The following NEIL3 variants were observed in gnomAD, a reference collection of about 807,000 sequenced individuals.
NEIL3 encodes the protein endonuclease 8-like 3.
In NEIL3, 48 loss-of-function variants were observed where a neutral mutation model predicts 57.5. The ratio of observed to expected loss-of-function variants is 0.83; its 90% CI spans 0.66 to 1.06. NEIL3 has a LOEUF of 1.06. NEIL3 is among the 50% of genes least tolerant of loss of function. The probability of loss-of-function intolerance (pLI) is 0.00; values close to 1 mark genes in which losing one functional copy is unlikely to be tolerated. For missense variants in NEIL3, 717 were observed against 739.1 expected (o/e 0.97, Z 0.35); for synonymous variants, 261 against 253.2 (o/e 1.03, Z -0.29).
chr4:177,339,600 T>C (rs1444076629), intron 4 of NEIL3, among the ~76,000 whole-genome samples, 183 bp from the exon 5 acceptor site: 1 of 152,186 alleles, frequency 6.6e-6, no homozygotes, highest in Admixed American at 6.5e-5. Context: ...GTCTCAGGGA[T>C]GGCAGAGGCA....
chr4:177,353,885 C>T, intron 8 of NEIL3, 157 bp downstream of exon 8: 1 of 641,110 alleles, frequency 1.6e-6, no homozygotes, highest in South Asian at 2.0e-5. Flanking sequence ...CCTGCCTCAG[C>T]CTCCCAAGTA....
At chr4:177,351,604 C>G in intron 7 of NEIL3, 55 bp downstream of exon 7, 1 of 1,357,988 alleles carries the variant, frequency 7.4e-7, no homozygotes, top group South Asian at 1.3e-5. Flanking sequence ...GTTAATTATA[C>G]AAAGTCAGGA....
chr4:177,352,699 G>A (rs1408446094), intron 7 of NEIL3, among the ~76,000 whole-genome samples: 5 of 151,986 alleles, frequency 3.3e-5, no homozygotes, highest in Admixed American at 2.0e-4. Flanking sequence ...GCGTGCTGGC[G>A]GGTGCCCGTA....
At chr4:177,341,937 G>GA (rs34469174) in intron 6 of NEIL3, among the ~76,000 whole-genome samples, 3 of 151,790 alleles carry the variant, frequency 2.0e-5, no homozygotes, top group Non-Finnish European at 4.4e-5. Context: ...TCAATAATTG[G>GA]AAAAAAATGC....
intron 6 of NEIL3, 94 bp downstream of exon 6, chr4:177,341,736 T>G: frequency 9.1e-7 from 1 of 1,096,180 alleles, no homozygotes; most frequent in Non-Finnish European, 1.3e-6. Context: ...TGTCAGGCTA[T>G]TCAGAAGAGA....
intron 7 of NEIL3, among the ~76,000 whole-genome samples, 154 bp from the exon 8 acceptor site, chr4:177,353,154 T>A (rs539509068): frequency 6.6e-6 from 1 of 152,362 alleles, no homozygotes; most frequent in African/African-American, 2.4e-5. Context: ...TGATTAATTC[T>A]GACTTGTCTG....
At position 177,353,736 on chromosome 4, in the gene NEIL3, G is replaced by A. The variant is rs1735414416; in HGVS notation, c.1460+8G>A. The A allele has an allele frequency of 6.3e-7, 1 of 1,583,314 alleles. No homozygotes were observed. Among genetic ancestry groups the A allele is most frequent in the African/African-American group, 1.4e-5 (1 of 71,970 alleles). ...CCCTGGATATTCTAACAGGTATGATGCTTTTAACCTTGGTCTTTAAGATAA... is the reference window on the plus strand; with the variant it reads ...CCCTGGATATTCTAACAGGTATGATACTTTTAACCTTGGTCTTTAAGATAA... On this transcript the variant is annotated splice_region_variant and intron_variant, in intron 8 of 9. Coordinates refer to ENST00000264596, the MANE Select transcript of NEIL3 (RefSeq NM_018248.3).
intron 1 of NEIL3, among the ~76,000 whole-genome samples, chr4:177,321,165 T>C (rs1734678127): frequency 6.6e-6 from 1 of 152,158 alleles, no homozygotes; most frequent in Admixed American, 6.5e-5. Flanking sequence ...AATTGTGACT[T>C]GTTTCTAGAC....
At position 177,362,546 on chromosome 4, in the gene NEIL3, G is replaced by C; in HGVS notation, c.*75G>C. 1 of 1,167,108 alleles carries C rather than the reference G, an allele frequency of 8.6e-7. No homozygotes were observed. The highest frequency in any genetic ancestry group is 1.6e-5 in the South Asian group (1 of 61,042). 72.3% of individuals were successfully genotyped at this position (1,167,108 alleles called of 1,614,324 possible). A position where few individuals can be genotyped will look rare whatever the true frequency, so the allele number is the denominator to read the frequency against. ...TGGTCCTCCTCTGTTTCATAGAAAAGTCATAGAATATCTATGATACATTGA... is the reference window on the plus strand; with the variant it reads ...TGGTCCTCCTCTGTTTCATAGAAAACTCATAGAATATCTATGATACATTGA... On this transcript the variant is annotated 3_prime_UTR_variant, in exon 10 of 10. Coordinates refer to ENST00000264596, the MANE Select transcript of NEIL3 (RefSeq NM_018248.3).
At chr4:177,323,111 A>G (rs550438306) in intron 2 of NEIL3, among the ~76,000 whole-genome samples, 1 of 152,316 alleles carries the variant, frequency 6.6e-6, no homozygotes, top group South Asian at 2.1e-4. Flanking sequence ...ATACTGGCAG[A>G]GAAGGACTAG....
intron 6 of NEIL3, among the ~76,000 whole-genome samples, chr4:177,346,567 C>T (rs770758434): frequency 4.6e-5 from 7 of 152,168 alleles, no homozygotes; most frequent in Non-Finnish European, 8.8e-5. Context: ...TTTTGATCAT[C>T]AAAGTTAAGG....
rs1239465711 is a variant in NEIL3, at chr4:177,353,465, C to T, written c.1197C>T (p.Ser399=). Residue 399 remains serine (S), a synonymous_variant, in exon 8 of 10, where the codon TCC becomes TCT. Coordinates refer to ENST00000264596, the MANE Select transcript of NEIL3 (RefSeq NM_018248.3). ...TCTTGACTGATTTTAGCAATAAATC[C>T]AGTACTTTGGAAAGAAAAACAAAGC... ...TLVLTDFSNK[S]STLERKTKQN... 2 of 1,613,778 alleles carry T rather than the reference C, an allele frequency of 1.2e-6. No homozygotes were observed. Among genetic ancestry groups the T allele is most frequent in the Admixed American group, 3.3e-5 (2 of 59,986 alleles).
At chr4:177,325,018 G>A (rs1356631861) in intron 2 of NEIL3, among the ~76,000 whole-genome samples, 2 of 152,014 alleles carry the variant, frequency 1.3e-5, no homozygotes, top group Non-Finnish European at 2.9e-5. Context: ...ACCATTTTCT[G>A]TTTCCAGTTT....
Position 177,336,209 on chromosome 4 carries a change from A to G in NEIL3, c.515A>G (p.Gln172Arg). ...AGAGCAGAAAGTGAAGTTAAAAAAC[A>G]GAAAGGCCGGATGCTAGGTGATGTG... The part of the protein sequence containing the change: ...FLRAESEVKK[Q>R]KGRMLGDVLM... Residue 172 changes from glutamine (Q) to arginine (R), a missense_variant, in exon 4 of 10, where the codon CAG becomes CGG. Physicochemically the swap from Gln to Arg is conservative, Grantham distance 43 (BLOSUM62 1). Coordinates refer to ENST00000264596, the MANE Select transcript of NEIL3 (RefSeq NM_018248.3). The G allele has an allele frequency of 6.2e-7, 1 of 1,614,180 alleles. No individual in the cohort carries two copies. The highest frequency in any genetic ancestry group is 2.2e-5 in the East Asian group (1 of 44,888).
At chr4:177,314,933 T>TGG (rs71244923) in intron 1 of NEIL3, among the ~76,000 whole-genome samples, 37 of 150,996 alleles carry the variant, frequency 2.5e-4, no homozygotes, top group Non-Finnish European at 4.6e-4. Context: ...AAAAATTAGC[T>TGG]TGGTGGACGC....
chr4:177,351,755 T>C (rs984303711), intron 7 of NEIL3, among the ~76,000 whole-genome samples: 2 of 152,236 alleles, frequency 1.3e-5, no homozygotes, highest in Non-Finnish European at 2.9e-5. Context: ...AAAGCATGTT[T>C]GTGCTATAAC....
At chr4:177,315,272 G>A (rs1166424037) in intron 1 of NEIL3, among the ~76,000 whole-genome samples, 3 of 152,118 alleles carry the variant, frequency 2.0e-5, no homozygotes, top group East Asian at 1.9e-4. Context: ...GGATAGGCAG[G>A]ATAAATGGTA....
At chr4:177,312,334 A>G (rs868070466) in intron 1 of NEIL3, among the ~76,000 whole-genome samples, 2 of 152,240 alleles carry the variant, frequency 1.3e-5, no homozygotes, top group South Asian at 2.1e-4. Context: ...CCTCTCAGCC[A>G]TAAAAGATTC....
intron 4 of NEIL3, 134 bp downstream of exon 4, chr4:177,336,455 C>T: frequency 1.4e-6 from 1 of 700,654 alleles, no homozygotes; most frequent in Non-Finnish European, 2.4e-6. Context: ...CATTTCTACC[C>T]AGGTCAATTT....
Sources: allele counts gnomAD v4.1 joint callset (sites outside exome capture counted in the v4.1 genomes callset), GRCh38; gene constraint gnomAD v4.1.1; transcripts MANE v1.5; gene names NCBI Gene and HGNC (gene_info 2026-07-23, HGNC 2026-07-21).